The following NFX1 variants were observed in gnomAD, a reference collection of about 807,000 sequenced individuals.
NFX1 encodes the protein nuclear transcription factor, X-box binding 1.
Under a neutral mutation model 137.2 loss-of-function variants are expected in NFX1, and 69 were observed. The observed-to-expected ratio is 0.50, with a 90% confidence interval of 0.41 to 0.61. NFX1 has a LOEUF of 0.61. NFX1 is among the 20% of genes least tolerant of loss of function. The probability of loss-of-function intolerance (pLI) is 0.00; values close to 1 mark genes in which losing one functional copy is unlikely to be tolerated. For missense variants in NFX1, 1,167 were observed against 1,391.0 expected, an observed-to-expected ratio of 0.84 and a Z score of 2.56; for synonymous variants, 495 against 474.1, an observed-to-expected ratio of 1.04 and a Z score of -0.57.
chr9:33,304,586 A>G (rs568196277), intron 4 of NFX1, among the ~76,000 whole-genome samples: 10 of 152,246 alleles, frequency 6.6e-5, no homozygotes, highest in Admixed American at 2.6e-4. Flanking sequence ...TTTTCTTTCA[A>G]TTCTTAACCA....
intron 19 of NFX1, among the ~76,000 whole-genome samples, chr9:33,358,913 G>T (rs1223946365): frequency 6.6e-6 from 1 of 150,908 alleles, no homozygotes; most frequent in Admixed American, 6.6e-5. Context: ...TGGCCAGGCT[G>T]GTCTCACATT....
rs146828525 is a variant in NFX1, at chr9:33,321,013, C to T, written c.1906+1886C>T. Among the ~76,000 whole-genome samples, 371 of 152,258 alleles carry T rather than the reference C, an allele frequency of 2.4e-3. 1 individual carries two copies. Among genetic ancestry groups the T allele is most frequent in the African/African-American group, 8.3e-3 (344 of 41,534 alleles). On this transcript the variant is annotated intron_variant, in intron 9 of 23. Coordinates refer to ENST00000379540, the MANE Select transcript of NFX1 (RefSeq NM_002504.6). ...GGAAAGCCAGTCATCTGTTGGTTCTCTGCTTGCCATGAAAATGTGTTTATG... is the reference window on the plus strand; with the variant it reads ...GGAAAGCCAGTCATCTGTTGGTTCTTTGCTTGCCATGAAAATGTGTTTATG...
chr9:33,307,709 T>C (rs1385027664), intron 5 of NFX1, among the ~76,000 whole-genome samples: 1 of 152,168 alleles, frequency 6.6e-6, no homozygotes, highest in Non-Finnish European at 1.5e-5. Flanking sequence ...GAGAACCTTC[T>C]GTCTGGGGAA....
intron 4 of NFX1, among the ~76,000 whole-genome samples, chr9:33,304,548 C>T (rs1435033125): frequency 6.6e-6 from 1 of 152,200 alleles, no homozygotes; most frequent in Non-Finnish European, 1.5e-5. Flanking sequence ...AGATGCAATA[C>T]CTTGGTGAAC....
chr9:33,301,926 G>A (rs1821582530), intron 3 of NFX1, among the ~76,000 whole-genome samples: 1 of 152,146 alleles, frequency 6.6e-6, no homozygotes, highest in Admixed American at 6.5e-5. Context: ...ATAAAAATTA[G>A]CCAGGCGTGG....
At chr9:33,321,742 G>A (rs1179952178) in intron 9 of NFX1, among the ~76,000 whole-genome samples, 1 of 152,102 alleles carries the variant, frequency 6.6e-6, no homozygotes, top group East Asian at 1.9e-4. Context: ...ACCTGGGTAT[G>A]GCGGCACGTG....
At chr9:33,349,998 T>G (rs934556148) in intron 15 of NFX1, among the ~76,000 whole-genome samples, 1 of 151,622 alleles carries the variant, frequency 6.6e-6, no homozygotes, top group African/African-American at 2.4e-5. Flanking sequence ...CAGAGCAAGA[T>G]TCTGCCTCAA....
intron 15 of NFX1, chr9:33,348,620 TG>T (rs1823522808): frequency 3.4e-6 from 1 of 294,632 alleles, no homozygotes; most frequent in Non-Finnish European, 5.0e-6. Context: ...CATGTGCTGT[TG>T]GAAAAGTGGA....
chr9:33,333,878 C>T (rs1205474661), intron 11 of NFX1, among the ~76,000 whole-genome samples: 4 of 152,264 alleles, frequency 2.6e-5, no homozygotes, highest in Admixed American at 6.5e-5. Context: ...AGCCTGGTGG[C>T]TCATGCCTGT....
intron 12 of NFX1, among the ~76,000 whole-genome samples, chr9:33,340,473 G>T (rs1439538567): frequency 6.6e-6 from 1 of 152,234 alleles, no homozygotes; most frequent in African/African-American, 2.4e-5. Context: ...CTCCAGGCCT[G>T]TCATGGAAGG....
intron 12 of NFX1, among the ~76,000 whole-genome samples, chr9:33,342,413 G>T (rs1225957294): frequency 6.6e-6 from 1 of 152,148 alleles, no homozygotes; most frequent in Non-Finnish European, 1.5e-5. Context: ...AGTGAGCCAA[G>T]ATTGCTCCAC....
chr9:33,367,017 T>C (rs977572793), intron 22 of NFX1, among the ~76,000 whole-genome samples: 4 of 152,246 alleles, frequency 2.6e-5, no homozygotes, highest in African/African-American at 9.6e-5. Context: ...CCTACAGTCA[T>C]AGCAGATGCT....
intron 19 of NFX1, among the ~76,000 whole-genome samples, chr9:33,355,303 A>C (rs1329474969): frequency 6.6e-6 from 1 of 152,250 alleles, no homozygotes; most frequent in Non-Finnish European, 1.5e-5. Flanking sequence ...CATTTGTGTC[A>C]CTAAATGAAT....
chr9:33,293,485 G>A (rs1821234190), intron 1 of NFX1, among the ~76,000 whole-genome samples: 1 of 152,182 alleles, frequency 6.6e-6, no homozygotes, highest in Non-Finnish European at 1.5e-5. Context: ...TGATATAGAG[G>A]TTGTTACTAT....
chr9:33,317,426 A>T (rs911604833), intron 7 of NFX1, among the ~76,000 whole-genome samples: 10 of 150,168 alleles, frequency 6.7e-5, no homozygotes, highest in South Asian at 6.3e-4. Context: ...CTCCAAAAAA[A>T]AAAAAAAAAG....
At chr9:33,337,186 T>C (rs189223668) in intron 11 of NFX1, among the ~76,000 whole-genome samples, 11 of 152,304 alleles carry the variant, frequency 7.2e-5, no homozygotes, top group Admixed American at 6.5e-4. Context: ...ATCCATGGGT[T>C]CCATATCCAT....
At chr9:33,336,718 A>G (rs1230843070) in intron 11 of NFX1, among the ~76,000 whole-genome samples, 2 of 152,020 alleles carry the variant, frequency 1.3e-5, no homozygotes, top group African/African-American at 4.8e-5. Flanking sequence ...CTCCCACACA[A>G]GCCTCCCAAA....
In NFX1 at chr9:33,351,778, T is replaced by C; in HGVS notation, c.2643T>C (p.Ala881=). 2 of 1,585,878 alleles carry C rather than the reference T, an allele frequency of 1.3e-6. No homozygotes were observed. The highest frequency in any genetic ancestry group is 1.7e-6 in the Non-Finnish European group (2 of 1,167,358). ...CCAGCTCACCCTGCCCTGTGACTGC[T>C]TGTAAAGCTAAGGTGGGTATTTCTG... The part of the protein sequence containing the change: ...CHTSSPCPVT[A]CKAKVELQCE... Residue 881 remains alanine, a synonymous_variant, in exon 16 of 24, where the codon GCT becomes GCC. Coordinates refer to ENST00000379540, the MANE Select transcript of NFX1 (RefSeq NM_002504.6).
chr9:33,338,371 CAAAA>C (rs933963290), intron 11 of NFX1, 135 bp from the exon 12 acceptor site: 1 of 776,234 alleles, frequency 1.3e-6, no homozygotes. Flanking sequence ...CAAAACAAAA[CAAAA>C]AAAACTGCAT....
Sources: gnomAD v4.1 joint callset for allele counts (sites outside exome capture counted in the v4.1 genomes callset) on GRCh38, gnomAD v4.1.1 for gene constraint, MANE v1.5 for transcripts, NCBI Gene and HGNC (gene_info 2026-07-23, HGNC 2026-07-21) for gene names.